The following TRMT11 variants were observed in gnomAD, a reference collection of about 807,000 sequenced individuals.
The protein encoded by TRMT11 is tRNA (guanine(10)-N(2))-methyltransferase TRMT11.
TRMT11 carries 53 observed loss-of-function variants against 62.8 expected under a neutral mutation model. The observed-to-expected ratio is 0.84, with a 90% confidence interval of 0.68 to 1.06. The LOEUF (loss-of-function observed/expected upper bound fraction) is 1.06, where lower values mean the gene tolerates loss of function less well. Among genes scored for constraint, TRMT11 ranks in the 50% least tolerant of loss-of-function variants. TRMT11 has a pLI of 0.00. For synonymous variants in TRMT11, 188 were observed against 190.3 expected (o/e 0.99, Z 0.10); for missense variants, 556 against 553.4 (o/e 1.00, Z -0.05).
chr6:126,021,403 A>G (rs1434604767), intron 12 of TRMT11, 123 bp downstream of exon 12: 2 of 1,197,420 alleles, frequency 1.7e-6, no homozygotes, highest in Non-Finnish European at 1.1e-6. Flanking sequence ...TTACAGATCA[A>G]TTTAGGAAGA....
the TRMT11 span, among the ~76,000 whole-genome samples, chr6:126,243,700 C>T: frequency 6.6e-6 from 1 of 152,060 alleles, no homozygotes; most frequent in South Asian, 2.1e-4. Flanking sequence ...AACTAAACAC[C>T]GCATATTCAC....
chr6:126,102,885 A>G (rs1777417259), intron 17 of TRMT11, among the ~76,000 whole-genome samples: 1 of 152,230 alleles, frequency 6.6e-6, no homozygotes, highest in African/African-American at 2.4e-5. Flanking sequence ...CTTTTCCTGT[A>G]TTACAGCAGA....
the TRMT11 span, among the ~76,000 whole-genome samples, chr6:126,242,182 C>A: frequency 3.9e-5 from 6 of 152,110 alleles, no homozygotes; most frequent in African/African-American, 1.4e-4. Flanking sequence ...CTCCCATTCA[C>A]AATTGCTTCA....
intron 21 of TRMT11, among the ~76,000 whole-genome samples, chr6:126,151,273 A>G (rs1206648895): frequency 6.6e-6 from 1 of 152,220 alleles, no homozygotes; most frequent in East Asian, 1.9e-4. Context: ...TAAATTTCAT[A>G]TTTTAATTTA....
chr6:126,030,721 T>C (rs1379266346), intron 12 of TRMT11, among the ~76,000 whole-genome samples: 2 of 152,208 alleles, frequency 1.3e-5, no homozygotes, highest in Non-Finnish European at 2.9e-5. Context: ...ATTATATCAT[T>C]ATCAGGAACT....
chr6:126,233,703 A>C, the TRMT11 span, among the ~76,000 whole-genome samples: 1 of 152,172 alleles, frequency 6.6e-6, no homozygotes, highest in Non-Finnish European at 1.5e-5. Flanking sequence ...AAAGGCTTTA[A>C]TTTTAATTTT....
chr6:125,994,921 T>C (rs1791233474), intron 2 of TRMT11, among the ~76,000 whole-genome samples: 1 of 152,122 alleles, frequency 6.6e-6, no homozygotes. Flanking sequence ...AAGTGGGAGC[T>C]GAATAATAAG....
At chr6:126,013,151 C>A in intron 11 of TRMT11, 50 bp downstream of exon 11, 3 of 1,515,160 alleles carry the variant, frequency 2.0e-6, no homozygotes, top group East Asian at 4.6e-5. Context: ...ACAATGTTTG[C>A]GTATCTAGTA....
At chr6:126,183,150 T>G (rs757439784) in intron 1 of TRMT11, among the ~76,000 whole-genome samples, 22 of 152,144 alleles carry the variant, frequency 1.4e-4, no homozygotes, top group Non-Finnish European at 2.9e-4. Flanking sequence ...ATTAAAACTT[T>G]CCCTTTTTAG....
chr6:126,226,594 T>C, the TRMT11 span, among the ~76,000 whole-genome samples: 1 of 152,194 alleles, frequency 6.6e-6, no homozygotes, highest in African/African-American at 2.4e-5. Flanking sequence ...ATGTAAATAT[T>C]ATAGTAATAG....
At chr6:126,072,457 A>G (rs1188081214) in intron 17 of TRMT11, among the ~76,000 whole-genome samples, 1 of 152,230 alleles carries the variant, frequency 6.6e-6, no homozygotes, top group Admixed American at 6.5e-5. Context: ...GGCACCTAAC[A>G]GAATGTCTTG....
intron 11 of TRMT11, among the ~76,000 whole-genome samples, chr6:126,019,813 C>T (rs2077206954): frequency 6.6e-6 from 1 of 152,144 alleles, no homozygotes; most frequent in Non-Finnish European, 1.5e-5. Flanking sequence ...GTCATAAATG[C>T]ATTGCATGAA....
At chr6:126,043,157 C>G (rs1409405631), downstream of TRMT11, among the ~76,000 whole-genome samples, 1 of 148,336 alleles carries the variant, frequency 6.7e-6, no homozygotes, top group Non-Finnish European at 1.5e-5. Flanking sequence ...CACCCATTAA[C>G]TCATCATTTA....
intron 17 of TRMT11, among the ~76,000 whole-genome samples, chr6:126,064,157 G>C (rs1413853767): frequency 6.6e-6 from 1 of 151,956 alleles, no homozygotes; most frequent in Non-Finnish European, 1.5e-5. Flanking sequence ...AGATGGGGGT[G>C]AGCTCTGAGT....
chr6:126,196,394 T>G (rs988657017), intron 1 of TRMT11, among the ~76,000 whole-genome samples: 1 of 152,172 alleles, frequency 6.6e-6, no homozygotes, highest in Admixed American at 6.5e-5. Context: ...AGTTGTAAAA[T>G]AACATCAAGA....
chr6:126,187,366 A>G (rs1480660728), intron 1 of TRMT11, among the ~76,000 whole-genome samples: 3 of 151,936 alleles, frequency 2.0e-5, no homozygotes. Flanking sequence ...TTTGCGATAC[A>G]GTAAAAAAAA....
chr6:126,181,644 C>G (rs191223722), intron 1 of TRMT11, among the ~76,000 whole-genome samples: 1 of 152,102 alleles, frequency 6.6e-6, no homozygotes, highest in African/African-American at 2.4e-5. Context: ...CACCATTGTT[C>G]CAGTGGGATT....
chr6:126,013,108 A>T lies in TRMT11; in HGVS notation c.1139+7A>T. 1.3e-6 allele frequency: 2 copies of T among 1,592,310 alleles called. No individual in the cohort carries two copies. The highest frequency in any genetic ancestry group is 8.5e-7 in the Non-Finnish European group (1 of 1,173,606). On this transcript the variant is annotated splice_region_variant and intron_variant, in intron 11 of 12. Coordinates refer to ENST00000334379, the MANE Select transcript of TRMT11 (RefSeq NM_001031712.3). ...TACCGGTGTATACGCCAGAGTATGT[A>T]ATCTTAATTTTATTTTTAATTTCAT...
At chr6:126,196,042 A>T (rs529180813) in intron 1 of TRMT11, among the ~76,000 whole-genome samples, 2 of 152,196 alleles carry the variant, frequency 1.3e-5, no homozygotes, top group Non-Finnish European at 2.9e-5. Context: ...TAGGTTGCTG[A>T]ATTAACCAAC....
Sources: allele counts gnomAD v4.1 joint callset (sites outside exome capture counted in the v4.1 genomes callset), GRCh38; gene constraint gnomAD v4.1.1; transcripts MANE v1.5; gene names NCBI Gene and HGNC (gene_info 2026-07-23, HGNC 2026-07-21).